NTM: variants seen among roughly 807,000 people sequenced by gnomAD.
NTM encodes the protein IgLON family member 2.
A neutral mutation model predicts 42.1 loss-of-function variants in NTM; 13 were observed. That is an observed-to-expected ratio of 0.31 (90% CI 0.20 to 0.49). NTM has a LOEUF of 0.49. NTM is among the 20% of genes least tolerant of loss of function. The pLI is 0.99. For synonymous variants in NTM, 187 were observed against 179.2 expected, an observed-to-expected ratio of 1.04 and a Z score of -0.35; for missense variants, 373 against 452.8, an observed-to-expected ratio of 0.82 and a Z score of 1.60.
At chr11:132,295,525 G>T (rs1013564610) in intron 4 of NTM, among the ~76,000 whole-genome samples, 2 of 152,232 alleles carry the variant, frequency 1.3e-5, no homozygotes, top group South Asian at 4.1e-4. Flanking sequence ...AATAAACTAG[G>T]TGGGGAGGAG....
intron 2 of NTM, among the ~76,000 whole-genome samples, chr11:131,957,450 T>C (rs1557486): frequency 0.049 from 7,464 of 152,198 alleles, 268 homozygotes; most frequent in Middle Eastern, 0.11. Flanking sequence ...TCAGACACAG[T>C]CCACTTTGCA....
At chr11:131,655,564 A>G (rs143290571) in intron 1 of NTM, among the ~76,000 whole-genome samples, 2 of 152,278 alleles carry the variant, frequency 1.3e-5, no homozygotes, top group African/African-American at 2.4e-5. Flanking sequence ...TTTGCTGTAA[A>G]AGACACGTAT....
At chr11:131,420,044 A>G (rs1947342963) in intron 1 of NTM, among the ~76,000 whole-genome samples, 1 of 152,142 alleles carries the variant, frequency 6.6e-6, no homozygotes. Flanking sequence ...GCAATTGCTC[A>G]ATGGCGTTTC....
At chr11:132,034,727 C>G (rs1257840186) in intron 2 of NTM, among the ~76,000 whole-genome samples, 1 of 152,192 alleles carries the variant, frequency 6.6e-6, no homozygotes, top group Non-Finnish European at 1.5e-5. Flanking sequence ...GAAATGACCT[C>G]CCTGCTCCTG....
At chr11:132,069,807 G>A (rs1372819186) in intron 2 of NTM, among the ~76,000 whole-genome samples, 7 of 139,194 alleles carry the variant, frequency 5.0e-5, no homozygotes, top group Non-Finnish European at 1.1e-4. Context: ...ACGTCACACA[G>A]CCAAAACACA....
intron 2 of NTM, among the ~76,000 whole-genome samples, chr11:132,033,616 A>T (rs2076181036): frequency 6.6e-6 from 1 of 152,156 alleles, no homozygotes. Flanking sequence ...GCTCCCCCTA[A>T]TGCTGTCACT....
intron 1 of NTM, among the ~76,000 whole-genome samples, chr11:131,603,239 C>T (rs1404730310): frequency 2.6e-5 from 4 of 152,128 alleles, no homozygotes; most frequent in South Asian, 2.1e-4. Flanking sequence ...GGGTCCTCTC[C>T]ATCCCTCCAA....
intron 1 of NTM, among the ~76,000 whole-genome samples, chr11:131,409,915 C>T (rs952934843): frequency 6.6e-6 from 1 of 152,144 alleles, no homozygotes; most frequent in Non-Finnish European, 1.5e-5. Context: ...TTAGCAGCAG[C>T]CTCCCATGGC....
chr11:131,441,628 G>C (rs2135980134), intron 1 of NTM, among the ~76,000 whole-genome samples: 1 of 152,284 alleles, frequency 6.6e-6, no homozygotes, highest in Non-Finnish European at 1.5e-5. Context: ...TATATCTCGT[G>C]TCAGGTATTA....
intron 1 of NTM, among the ~76,000 whole-genome samples, chr11:131,683,795 G>C (rs2073384430): frequency 6.6e-6 from 1 of 152,158 alleles, no homozygotes; most frequent in Non-Finnish European, 1.5e-5. Context: ...AAGGTCCCCT[G>C]GGGGGCACTC....
At chr11:131,564,805 C>T (rs888263713) in intron 1 of NTM, among the ~76,000 whole-genome samples, 2 of 152,156 alleles carry the variant, frequency 1.3e-5, no homozygotes, top group Admixed American at 1.3e-4. Flanking sequence ...TTGCTCCCTG[C>T]AAGAATATTC....
At chr11:132,099,760 T>G (rs1486986493) in intron 2 of NTM, among the ~76,000 whole-genome samples, 4 of 152,182 alleles carry the variant, frequency 2.6e-5, no homozygotes, top group Non-Finnish European at 4.4e-5. Flanking sequence ...ACCTACATAA[T>G]ACAAAATGTA....
chr11:131,570,694 G>T (rs57673243), intron 1 of NTM, among the ~76,000 whole-genome samples: 7,201 of 152,226 alleles, frequency 0.047, 544 homozygotes, highest in African/African-American at 0.16. Context: ...GTGGTGGTGC[G>T]TGCCAGTAGT....
intron 1 of NTM, among the ~76,000 whole-genome samples, chr11:131,638,791 C>T (rs1329519503): frequency 6.6e-6 from 1 of 151,676 alleles, no homozygotes; most frequent in Non-Finnish European, 1.5e-5. Flanking sequence ...TGTTTGGTCT[C>T]AGGTATTTTT....
At chr11:131,573,151 A>G (rs1183489381) in intron 1 of NTM, among the ~76,000 whole-genome samples, 1 of 152,216 alleles carries the variant, frequency 6.6e-6, no homozygotes, top group African/African-American at 2.4e-5. Flanking sequence ...GTTTGGGAGC[A>G]ACTGGTAAAG....
intron 1 of NTM, among the ~76,000 whole-genome samples, chr11:131,418,978 C>G (rs574005831): frequency 6.6e-6 from 1 of 152,276 alleles, no homozygotes; most frequent in Non-Finnish European, 1.5e-5. Context: ...TACGCACTTA[C>G]AAGACCAGTC....
chr11:131,774,746 C>T (rs1037267096), intron 1 of NTM, among the ~76,000 whole-genome samples: 1 of 152,242 alleles, frequency 6.6e-6, no homozygotes, highest in South Asian at 2.1e-4. Context: ...AGATAATCTG[C>T]CTCAGCATTC....
intron 2 of NTM, among the ~76,000 whole-genome samples, chr11:132,058,332 C>G (rs2080052458): frequency 6.6e-6 from 1 of 152,188 alleles, no homozygotes; most frequent in South Asian, 2.1e-4. Flanking sequence ...GGGCAGTGCT[C>G]TGGTCCTGGC....
At chr11:131,537,586 T>G (rs2052477960) in intron 1 of NTM, 1 of 152,244 alleles carries the variant, frequency 6.6e-6, no homozygotes, top group South Asian at 2.1e-4. Flanking sequence ...GATGCAATCC[T>G]CGCTTGTGCT....
Sources: gnomAD v4.1 joint callset for allele counts (sites outside exome capture counted in the v4.1 genomes callset) on GRCh38, gnomAD v4.1.1 for gene constraint, MANE v1.5 for transcripts, NCBI Gene and HGNC (gene_info 2026-07-23, HGNC 2026-07-21) for gene names.